The following EXOC4 variants were observed in gnomAD, a reference collection of about 807,000 sequenced individuals.
The protein encoded by EXOC4 is SEC8-like 1.
Under a neutral mutation model 107.2 loss-of-function variants are expected in EXOC4, and 71 were observed. The observed-to-expected ratio is 0.66, with a 90% CI of 0.55 to 0.81. EXOC4 has a LOEUF of 0.81. EXOC4 is among the 30% of genes least tolerant of loss of function. The pLI is 0.00. For missense variants in EXOC4, 1,108 were observed against 1,189.6 expected, an observed-to-expected ratio of 0.93 and a Z score of 1.01; for synonymous variants, 456 against 441.2, an observed-to-expected ratio of 1.03 and a Z score of -0.42.
At chr7:133,842,598 C>T (rs1326530485) in intron 11 of EXOC4, among the ~76,000 whole-genome samples, 1 of 152,090 alleles carries the variant, frequency 6.6e-6, no homozygotes, top group African/African-American at 2.4e-5. Context: ...TGTAGGTTGT[C>T]TGTTTACTCT....
intron 9 of EXOC4, among the ~76,000 whole-genome samples, chr7:133,558,660 T>C (rs1800749803): frequency 6.6e-6 from 1 of 152,170 alleles, no homozygotes; most frequent in Non-Finnish European, 1.5e-5. Flanking sequence ...TATTTTTCTT[T>C]TGTTAGTTTT....
At chr7:133,450,349 G>A (rs1238749996) in intron 7 of EXOC4, among the ~76,000 whole-genome samples, 1 of 152,060 alleles carries the variant, frequency 6.6e-6, no homozygotes, top group East Asian at 1.9e-4. Flanking sequence ...TTTTTGTAGA[G>A]ATGGGGTTTT....
chr7:133,329,738 G>A (rs541758693), intron 5 of EXOC4, among the ~76,000 whole-genome samples: 11 of 152,232 alleles, frequency 7.2e-5, no homozygotes, highest in African/African-American at 2.6e-4. Flanking sequence ...TGTTTGCCTG[G>A]GTATCACCAG....
At chr7:133,728,775 C>A (rs1395106366) in intron 10 of EXOC4, among the ~76,000 whole-genome samples, 1 of 152,112 alleles carries the variant, frequency 6.6e-6, no homozygotes, top group African/African-American at 2.4e-5. Flanking sequence ...TTTTCTAGCC[C>A]AGACACTCCA....
At chr7:133,626,175 C>A (rs1415457438) in intron 9 of EXOC4, among the ~76,000 whole-genome samples, 1 of 151,940 alleles carries the variant, frequency 6.6e-6, no homozygotes, top group African/African-American at 2.4e-5. Flanking sequence ...CCAGTGTACA[C>A]CAGCCTAGGG....
downstream of EXOC4, among the ~76,000 whole-genome samples, chr7:134,067,876 C>A (rs187859390): frequency 2.0e-5 from 3 of 152,050 alleles, no homozygotes; most frequent in Non-Finnish European, 2.9e-5. Context: ...TCATCCTAGG[C>A]GGTGTTTTTA....
At chr7:133,700,799 T>C (rs140033707) in intron 10 of EXOC4, among the ~76,000 whole-genome samples, 10 of 152,292 alleles carry the variant, frequency 6.6e-5, no homozygotes, top group African/African-American at 2.2e-4. Context: ...CCCCTCTCTG[T>C]GGCCATTATT....
intron 1 of EXOC4, among the ~76,000 whole-genome samples, chr7:133,271,149 A>C (rs1053205149): frequency 2.6e-5 from 4 of 151,732 alleles, no homozygotes; most frequent in African/African-American, 9.7e-5. Flanking sequence ...CGAACTCCTG[A>C]CCTTGTGATC....
rs1471446795 is a variant in EXOC4, at chr7:133,745,888, C to G, written c.1515-71437C>G. ...TGTGTCTAATGCCAAGTGTCTGGCA[C>G]AAGACTTCTCTTCAATAAGTACGTG... On this transcript the variant is annotated intron_variant, in intron 10 of 17. Coordinates refer to ENST00000253861, the MANE Select transcript of EXOC4 (RefSeq NM_021807.4). Among the ~76,000 whole-genome samples the G allele has an allele frequency of 2.0e-5, 3 of 151,998 alleles. No homozygotes were observed. In the East Asian group the frequency reaches 5.8e-4, roughly 29 times the overall value.
rs1795878669 is a variant in EXOC4 at position 133,755,244 on chromosome 7, A to ATAT, written c.1515-62080_1515-62078dup. Among the ~76,000 whole-genome samples, 6 of 82,318 alleles carry ATAT rather than the reference A, an allele frequency of 7.3e-5. No individual in the cohort carries two copies. In the South Asian group the frequency reaches 1.6e-3, roughly 22 times the overall value. The allele number at this position is 82,318 out of a possible 152,430, so 54.0% of individuals were successfully genotyped here. On this transcript the variant is annotated intron_variant, in intron 10 of 17. Transcript: ENST00000253861. Reference sequence around the variant, plus strand: ...TGTGTATATATATATAATATATATAATATATATATTATATATATATTATAT... The same window carrying ATAT: ...TGTGTATATATATATAATATATATAATATTATATATATTATATATATATTATAT...
chr7:133,314,446 C>T (rs138739655), intron 4 of EXOC4, among the ~76,000 whole-genome samples: 7 of 152,224 alleles, frequency 4.6e-5, no homozygotes, highest in African/African-American at 1.7e-4. Context: ...AATAGTTTTG[C>T]AGTAAATTGA....
intron 9 of EXOC4, among the ~76,000 whole-genome samples, chr7:133,584,417 A>G (rs1013246705): frequency 3.9e-4 from 60 of 152,126 alleles, no homozygotes; most frequent in African/African-American, 1.4e-3. Context: ...ATGTAGTTGG[A>G]AGCCAGAGTT....
At chr7:133,855,126 TAA>T (rs1274511248) in intron 11 of EXOC4, among the ~76,000 whole-genome samples, 9 of 73,756 alleles carry the variant, frequency 1.2e-4, no homozygotes, top group Admixed American at 3.4e-4. Context: ...TATATATATA[TAA>T]ATATATATAT....
At chr7:134,020,857 G>T (rs1025934276) in intron 17 of EXOC4, among the ~76,000 whole-genome samples, 3 of 152,056 alleles carry the variant, frequency 2.0e-5, no homozygotes, top group Non-Finnish European at 2.9e-5. Flanking sequence ...ACGGTGGCAG[G>T]TGCCTGTAGT....
chr7:133,627,499 C>A (rs1215788777), intron 9 of EXOC4, among the ~76,000 whole-genome samples: 1 of 152,076 alleles, frequency 6.6e-6, no homozygotes, highest in African/African-American at 2.4e-5. Context: ...TTTATGTAGA[C>A]TTATTTATCT....
chr7:133,380,767 G>T (rs764269683), intron 7 of EXOC4, among the ~76,000 whole-genome samples: 1 of 152,146 alleles, frequency 6.6e-6, no homozygotes, highest in Non-Finnish European at 1.5e-5. Context: ...TGCTGTTGCT[G>T]TTCCACGTTA....
intron 2 of EXOC4, among the ~76,000 whole-genome samples, chr7:133,286,269 A>C (rs919013619): frequency 2.0e-5 from 3 of 152,076 alleles, no homozygotes; most frequent in Non-Finnish European, 2.9e-5. Flanking sequence ...TGGAGTTTTA[A>C]AATTTCTATT....
intron 11 of EXOC4, among the ~76,000 whole-genome samples, chr7:133,855,491 T>G (rs1563028847): frequency 6.6e-6 from 1 of 152,112 alleles, no homozygotes; most frequent in Non-Finnish European, 1.5e-5. Context: ...TTTGGAGATA[T>G]GTGGCTTTTA....
At chr7:133,602,679 A>G (rs551744784) in intron 9 of EXOC4, among the ~76,000 whole-genome samples, 132 of 152,330 alleles carry the variant, frequency 8.7e-4, no homozygotes, top group South Asian at 2.5e-3. Context: ...AAACCCTTCT[A>G]AAAGAGATTA....
Sources: allele counts gnomAD v4.1 joint callset (sites outside exome capture counted in the v4.1 genomes callset), GRCh38; gene constraint gnomAD v4.1.1; transcripts MANE v1.5; gene names NCBI Gene and HGNC (gene_info 2026-07-23, HGNC 2026-07-21).